The following CDH1 variants were observed in gnomAD, a reference collection of about 807,000 sequenced individuals.
CDH1 encodes cadherin-1.
CDH1 carries 35 observed loss-of-function variants against 84.5 expected under a neutral mutation model. That is an observed-to-expected ratio of 0.41 (90% CI 0.32 to 0.55). CDH1 has a LOEUF of 0.55. CDH1 is among the 20% of genes least tolerant of loss of function. The pLI, the probability that CDH1 is intolerant of heterozygous loss-of-function variation, is 0.19. For missense variants in CDH1, 994 were observed against 1,126.6 expected (o/e 0.88, Z 1.68); for synonymous variants, 417 against 439.0 (o/e 0.95, Z 0.63).
chr16:68,812,663 CATCTT>C (rs1162825618), intron 8 of CDH1, among the ~76,000 whole-genome samples: 1 of 152,192 alleles, frequency 6.6e-6, no homozygotes, highest in Non-Finnish European at 1.5e-5. Flanking sequence ...GCCAGGAAGA[CATCTT>C]ATGAGAATTA....
chr16:68,788,503 T>C (rs1384401824), intron 2 of CDH1, among the ~76,000 whole-genome samples: 2 of 152,204 alleles, frequency 1.3e-5, no homozygotes, highest in Non-Finnish European at 2.9e-5. Context: ...AGATTTTTCA[T>C]ATGAACTGTG....
At chr16:68,789,734 GA>G (rs1469898796) in intron 2 of CDH1, among the ~76,000 whole-genome samples, 1 of 152,138 alleles carries the variant, frequency 6.6e-6, no homozygotes, top group East Asian at 1.9e-4. Context: ...CAGTTAGTCT[GA>G]GGCAGGGGCC....
chr16:68,808,539 A>G lies in CDH1; in HGVS notation c.503A>G (p.Lys168Arg), dbSNP rs1483883033. The change falls in exon 4 of 16, where the codon AAA becomes AGA. Residue 168 changes from lysine (K) to arginine (R), a missense_variant. Physicochemically the swap from Lys to Arg is conservative, Grantham distance 26. Coordinates refer to ENST00000261769, the MANE Select transcript of CDH1 (RefSeq NM_004360.5). ...CCCATCAGCTGCCCAGAAAATGAAA[A>G]AGGCCCATTTCCTAAAAACCTGGTT... The part of the protein sequence containing the change: ...IPPISCPENE[K>R]GPFPKNLVQI... 1 of 1,614,186 alleles carries G rather than the reference A, an allele frequency of 6.2e-7. No individual in the cohort carries two copies. Among genetic ancestry groups the G allele is most frequent in the East Asian group, 2.2e-5 (1 of 44,884 alleles).
chr16:68,772,420 A>G (rs1959603887), intron 2 of CDH1, among the ~76,000 whole-genome samples: 1 of 152,202 alleles, frequency 6.6e-6, no homozygotes. Context: ...AGACCCATCA[A>G]GGAAAATTCA....
chr16:68,811,500 T>A (rs1003563209), intron 6 of CDH1, among the ~76,000 whole-genome samples, 184 bp from the exon 7 acceptor site: 1 of 152,126 alleles, frequency 6.6e-6, no homozygotes, highest in Non-Finnish European at 1.5e-5. Flanking sequence ...GGATAATAAG[T>A]TGATAGTTTG....
intron 9 of CDH1, among the ~76,000 whole-genome samples, chr16:68,813,766 T>C (rs529207055): frequency 7.9e-5 from 12 of 152,188 alleles, no homozygotes; most frequent in Admixed American, 2.6e-4. Flanking sequence ...TTTGAGTCTC[T>C]GCTAAAAATA....
chr16:68,742,385 T>C (rs1962593491), intron 2 of CDH1: 1 of 152,686 alleles, frequency 6.5e-6, no homozygotes, highest in Non-Finnish European at 1.5e-5. Flanking sequence ...GTTCCAGTGA[T>C]TCTCCTGCCT....
At chr16:68,787,094 T>C (rs1470505190) in intron 2 of CDH1, among the ~76,000 whole-genome samples, 3 of 152,236 alleles carry the variant, frequency 2.0e-5, no homozygotes, top group African/African-American at 7.2e-5. Context: ...TGTCAGCCAG[T>C]GCTTGGAAAA....
chr16:68,824,428 T>A (rs1341029140), intron 13 of CDH1, among the ~76,000 whole-genome samples: 2 of 152,074 alleles, frequency 1.3e-5, no homozygotes, highest in Non-Finnish European at 2.9e-5. Context: ...CACCACCACC[T>A]CTACATTCCA....
chr16:68,822,914 CT>C, intron 12 of CDH1: 2 of 221,654 alleles, frequency 9.0e-6, no homozygotes, highest in Non-Finnish European at 8.9e-6. Flanking sequence ...GAACTGGACC[CT>C]TTTGGATCTT....
chr16:68,776,501 T>C (rs1411385197), intron 2 of CDH1, among the ~76,000 whole-genome samples: 1 of 152,170 alleles, frequency 6.6e-6, no homozygotes, highest in African/African-American at 2.4e-5. Flanking sequence ...ACTATAATAT[T>C]TTACTTAGTA....
intron 5 of CDH1, among the ~76,000 whole-genome samples, chr16:68,809,642 C>T (rs979687417): frequency 6.6e-6 from 1 of 152,170 alleles, no homozygotes; most frequent in African/African-American, 2.4e-5. Flanking sequence ...ACTCCCACCC[C>T]ATCTTCCTGA....
rs1555516860 is a variant in CDH1, at chr16:68,822,127, A to G, written c.1838A>G (p.Asn613Ser). ...CERNPKPQVI[N>S]IIDADLPPNT... is the part of the protein sequence containing the mutation. ...AGGAATCCAAAGCCTCAGGTCATAA[A>G]CATCATTGATGCAGACCTTCCTCCC... is the stretch of plus-strand genomic sequence containing the variant. The change falls in exon 12 of 16, where the codon AAC becomes AGC. Residue 613 changes from asparagine to serine, a missense_variant. By Grantham distance (46) the Asn-to-Ser change is conservative. Coordinates refer to ENST00000261769, the MANE Select transcript of CDH1 (RefSeq NM_004360.5). 1 of 1,614,134 alleles carries G rather than the reference A, an allele frequency of 6.2e-7. No individual in the cohort carries two copies. The highest frequency in any genetic ancestry group is 1.1e-5 in the South Asian group (1 of 91,072).
intron 2 of CDH1, among the ~76,000 whole-genome samples, chr16:68,798,009 GCAGAGGTTGCA>G (rs1960408782): frequency 6.6e-6 from 1 of 152,002 alleles, no homozygotes; most frequent in Admixed American, 6.6e-5. Context: ...AATCTGGGAG[GCAGAGGTTGCA>G]GTGAGCCCAG....
chr16:68,810,164 A>G lies in CDH1; in HGVS notation c.688-33A>G, dbSNP rs1322962216. 2.5e-6 allele frequency: 4 copies of G among 1,613,092 alleles called. No individual in the cohort carries two copies. The African/African-American group carries it at 4.0e-5, about 16-fold the overall frequency. Reference sequence around the variant, plus strand: ...CTTCTCCCATGTTTTCTTCCTCATCAGAGCTCAAGTCACCCTCACTTGGTT... The same window carrying G: ...CTTCTCCCATGTTTTCTTCCTCATCGGAGCTCAAGTCACCCTCACTTGGTT... On this transcript the variant is annotated intron_variant, in intron 5 of 15. Coordinates refer to ENST00000261769, the MANE Select transcript of CDH1 (RefSeq NM_004360.5).
intron 2 of CDH1, chr16:68,763,414 G>A (rs1044950829): frequency 6.6e-6 from 1 of 152,184 alleles, no homozygotes; most frequent in Non-Finnish European, 1.5e-5. Context: ...ATTCCCTTAT[G>A]GCCACAGTCC....
chr16:68,760,266 A>ATT (rs11396600), intron 2 of CDH1, among the ~76,000 whole-genome samples: 28,957 of 97,734 alleles, frequency 0.3, 5,419 homozygotes, highest in Non-Finnish European at 0.39. Flanking sequence ...CGCCCAGCTA[A>ATT]TTTTTTTTTT....
At chr16:68,752,870 T>C (rs1042567135) in intron 2 of CDH1, among the ~76,000 whole-genome samples, 1 of 152,208 alleles carries the variant, frequency 6.6e-6, no homozygotes, top group Non-Finnish European at 1.5e-5. Flanking sequence ...TTTGGTTTCC[T>C]ATTGTGTGGG....
chr16:68,802,537 C>T (rs987224579), intron 3 of CDH1, among the ~76,000 whole-genome samples: 6 of 151,722 alleles, frequency 4.0e-5, no homozygotes, highest in African/African-American at 1.5e-4. Flanking sequence ...AGTGCAGTGG[C>T]GTGACTCACA....
Sources: allele counts gnomAD v4.1 joint callset (sites outside exome capture counted in the v4.1 genomes callset), GRCh38; gene constraint gnomAD v4.1.1; transcripts MANE v1.5; gene names NCBI Gene and HGNC (gene_info 2026-07-23, HGNC 2026-07-21).